Variants in TMEM108 observed in about 807,000 individuals in gnomAD.
The protein encoded by TMEM108 is transmembrane protein 108.
A neutral mutation model predicts 35.1 loss-of-function variants in TMEM108; 12 were observed. The observed-to-expected ratio is 0.34, with a 90% CI of 0.22 to 0.55. The LOEUF (loss-of-function observed/expected upper bound fraction) is 0.55. Ranked by LOEUF, TMEM108 falls within the 20% of genes least tolerant of loss-of-function variation. TMEM108 has a pLI of 0.89. For synonymous variants in TMEM108, 287 were observed against 308.6 expected, an observed-to-expected ratio of 0.93 and a Z score of 0.73; for missense variants, 680 against 753.3, an observed-to-expected ratio of 0.90 and a Z score of 1.14.
At chr3:133,136,875 G>A (rs1034689035) in intron 2 of TMEM108, among the ~76,000 whole-genome samples, 4 of 152,154 alleles carry the variant, frequency 2.6e-5, no homozygotes, top group African/African-American at 9.7e-5. Context: ...CTGATCCATG[G>A]AATCCTGCTG....
intron 3 of TMEM108, among the ~76,000 whole-genome samples, chr3:133,373,147 G>T (rs1043200420): frequency 6.6e-6 from 1 of 152,038 alleles, no homozygotes; most frequent in African/African-American, 2.4e-5. Flanking sequence ...CAGGCAGATT[G>T]CTTGAACCCA....
At chr3:133,245,026 G>T (rs984175930) in intron 3 of TMEM108, among the ~76,000 whole-genome samples, 1 of 152,162 alleles carries the variant, frequency 6.6e-6, no homozygotes, top group Non-Finnish European at 1.5e-5. Context: ...ATCTTTAAAG[G>T]GTCAGAGTGT....
intron 3 of TMEM108, among the ~76,000 whole-genome samples, chr3:133,244,880 T>A (rs13072045): frequency 6.6e-6 from 1 of 152,212 alleles, no homozygotes; most frequent in Non-Finnish European, 1.5e-5. Context: ...AACATTCTTG[T>A]GTGTACAACA....
intron 3 of TMEM108, among the ~76,000 whole-genome samples, chr3:133,235,499 G>T (rs563700631): frequency 2.2e-4 from 34 of 152,100 alleles, no homozygotes; most frequent in Non-Finnish European, 3.7e-4. Context: ...ACAAGCAATG[G>T]GGAAAGTTTT....
At chr3:133,114,899 A>G (rs1457867796) in intron 2 of TMEM108, among the ~76,000 whole-genome samples, 1 of 152,198 alleles carries the variant, frequency 6.6e-6, no homozygotes, top group Non-Finnish European at 1.5e-5. Context: ...GAAAAGTAGT[A>G]GCTTCCCTTT....
At chr3:133,108,254 AT>A (rs1473242181) in intron 2 of TMEM108, among the ~76,000 whole-genome samples, 6 of 151,782 alleles carry the variant, frequency 4.0e-5, no homozygotes, top group Non-Finnish European at 5.9e-5. Context: ...GTTCGTTCCT[AT>A]TTCTCCACAT....
intron 2 of TMEM108, among the ~76,000 whole-genome samples, chr3:133,058,143 T>G (rs1312780649): frequency 1.3e-5 from 2 of 152,010 alleles, no homozygotes; most frequent in Non-Finnish European, 2.9e-5. Context: ...AAAAAGTAAA[T>G]GAGAAGAGAG....
intron 2 of TMEM108, among the ~76,000 whole-genome samples, chr3:133,092,949 A>G (rs1008217438): frequency 6.6e-6 from 1 of 151,968 alleles, no homozygotes; most frequent in Non-Finnish European, 1.5e-5. Flanking sequence ...CTGTGGCTTG[A>G]GAGGAAAACA....
intron 2 of TMEM108, among the ~76,000 whole-genome samples, chr3:133,084,109 CT>C (rs1391177238): frequency 6.9e-6 from 1 of 144,982 alleles, no homozygotes; most frequent in African/African-American, 2.5e-5. Flanking sequence ...TTCAACCATT[CT>C]TTTTCTTGAA....
intron 1 of TMEM108, among the ~76,000 whole-genome samples, chr3:133,040,013 A>G (rs975703692): frequency 4.6e-5 from 7 of 152,170 alleles, no homozygotes; most frequent in African/African-American, 1.7e-4. Context: ...TTTATCAGCC[A>G]CCGGAAATCA....
At chr3:133,338,595 A>G (rs1418609296) in intron 3 of TMEM108, among the ~76,000 whole-genome samples, 1 of 152,152 alleles carries the variant, frequency 6.6e-6, no homozygotes. Context: ...TTAATGAACA[A>G]TAAGACATCA....
intron 2 of TMEM108, among the ~76,000 whole-genome samples, chr3:133,223,046 A>G (rs1030608631): frequency 9.2e-5 from 14 of 152,032 alleles, no homozygotes; most frequent in African/African-American, 3.4e-4. Context: ...TGGTTATACA[A>G]TTATTTGAAT....
At chr3:133,147,718 A>G (rs1342199146) in intron 2 of TMEM108, among the ~76,000 whole-genome samples, 5 of 152,314 alleles carry the variant, frequency 3.3e-5, no homozygotes, top group Admixed American at 6.5e-5. Flanking sequence ...AAGAATCTCA[A>G]TGACCACATC....
intron 2 of TMEM108, among the ~76,000 whole-genome samples, chr3:133,064,927 A>T (rs1192695645): frequency 6.6e-6 from 1 of 152,158 alleles, no homozygotes; most frequent in African/African-American, 2.4e-5. Context: ...TTACACTGAT[A>T]CTTCCTCTCC....
At chr3:133,312,558 G>T (rs1189904304) in intron 3 of TMEM108, among the ~76,000 whole-genome samples, 4 of 152,260 alleles carry the variant, frequency 2.6e-5, no homozygotes, top group Admixed American at 2.6e-4. Context: ...GAATCTCCTG[G>T]TCTGCTGGTT....
intron 2 of TMEM108, among the ~76,000 whole-genome samples, chr3:133,072,906 A>G (rs1943693286): frequency 6.6e-6 from 1 of 152,142 alleles, no homozygotes; most frequent in Non-Finnish European, 1.5e-5. Context: ...GACTCATTCT[A>G]TACGCAGCCT....
At chr3:133,212,441 C>T (rs957950536) in intron 2 of TMEM108, among the ~76,000 whole-genome samples, 12 of 152,264 alleles carry the variant, frequency 7.9e-5, no homozygotes, top group African/African-American at 2.9e-4. Context: ...TCTCACAGAA[C>T]TGCCACAAAG....
intron 2 of TMEM108, among the ~76,000 whole-genome samples, chr3:133,072,276 C>T (rs931378025): frequency 2.0e-5 from 3 of 151,992 alleles, no homozygotes; most frequent in Admixed American, 6.6e-5. Flanking sequence ...TGATTAAGGA[C>T]AGATTTTAGA....
intron 2 of TMEM108, among the ~76,000 whole-genome samples, chr3:133,108,178 C>A (rs1391734701): frequency 2.0e-5 from 3 of 152,122 alleles, no homozygotes; most frequent in African/African-American, 7.2e-5. Flanking sequence ...TTGCAATAAG[C>A]CAAGATCACA....
Sources: gnomAD v4.1 joint callset for allele counts (sites outside exome capture counted in the v4.1 genomes callset) on GRCh38, gnomAD v4.1.1 for gene constraint, MANE v1.5 for transcripts, NCBI Gene and HGNC (gene_info 2026-07-23, HGNC 2026-07-21) for gene names.